The following VPS13B variants were observed in gnomAD, a reference collection of about 807,000 sequenced individuals.
The protein encoded by VPS13B is vacuolar protein sorting 13 homolog B.
VPS13B carries 285 observed loss-of-function variants against 426.4 expected under a neutral mutation model. That is an observed-to-expected ratio of 0.67 (90% CI 0.61 to 0.74). The LOEUF is 0.74. Ranked by LOEUF, VPS13B falls within the 30% of genes least tolerant of loss-of-function variation. The probability of loss-of-function intolerance (pLI) is 0.00; values close to 1 mark genes in which losing one functional copy is unlikely to be tolerated. For synonymous variants in VPS13B, 1,676 were observed against 1,676.4 expected (o/e 1.00, Z 0.01); for missense variants, 4,537 against 4,782.6 (o/e 0.95, Z 1.51).
At chr8:99,738,759 A>C (rs1278433005) in intron 39 of VPS13B, among the ~76,000 whole-genome samples, 1 of 152,238 alleles carries the variant, frequency 6.6e-6, no homozygotes, top group African/African-American at 2.4e-5. Context: ...TAATACAATC[A>C]ACATAGACCA....
At chr8:99,458,066 C>A (rs1287689599) in intron 23 of VPS13B, among the ~76,000 whole-genome samples, 1 of 148,662 alleles carries the variant, frequency 6.7e-6, no homozygotes, top group Middle Eastern at 3.4e-3. Context: ...TCCCCCCCCC[C>A]TCCCCCCAAC....
At chr8:99,553,545 T>C (rs1191153121) in intron 30 of VPS13B, among the ~76,000 whole-genome samples, 1 of 152,116 alleles carries the variant, frequency 6.6e-6, no homozygotes, top group Non-Finnish European at 1.5e-5. Context: ...CAAGGTACTT[T>C]ATGAATAGTT....
intron 25 of VPS13B, among the ~76,000 whole-genome samples, chr8:99,484,071 A>C (rs1820179128): frequency 6.6e-6 from 1 of 152,180 alleles, no homozygotes; most frequent in Non-Finnish European, 1.5e-5. Flanking sequence ...ATGGATATTT[A>C]AAAATGAGTA....
At chr8:99,115,920 C>A (rs1320764043) in intron 7 of VPS13B, 46 bp downstream of exon 7, 2 of 1,587,248 alleles carry the variant, frequency 1.3e-6, no homozygotes, top group Non-Finnish European at 1.7e-6. Context: ...TAAGACTATT[C>A]TTACGTTTTA....
At chr8:99,271,410 C>T (rs1219192157) in intron 17 of VPS13B, among the ~76,000 whole-genome samples, 1 of 152,118 alleles carries the variant, frequency 6.6e-6, no homozygotes, top group Non-Finnish European at 1.5e-5. Flanking sequence ...TTAAAGTGTG[C>T]TCTAGACCAT....
At chr8:99,286,974 A>G (rs138438316) in intron 19 of VPS13B, among the ~76,000 whole-genome samples, 2 of 152,218 alleles carry the variant, frequency 1.3e-5, no homozygotes, top group African/African-American at 4.8e-5. Flanking sequence ...CTTTTCAAAT[A>G]TTGCCGTACT....
intron 3 of VPS13B, among the ~76,000 whole-genome samples, chr8:99,044,110 A>T (rs1268535220): frequency 2.2e-5 from 2 of 92,820 alleles, no homozygotes; most frequent in South Asian, 4.0e-4. Flanking sequence ...TTTGAGACGG[A>T]GTCTGCTCTG....
chr8:99,662,929 G>C (rs893179542), intron 35 of VPS13B, among the ~76,000 whole-genome samples: 1 of 152,072 alleles, frequency 6.6e-6, no homozygotes, highest in African/African-American at 2.4e-5. Flanking sequence ...ATGGTGGCAC[G>C]TACCTGTAGT....
intron 19 of VPS13B, among the ~76,000 whole-genome samples, chr8:99,324,786 A>G (rs938798482): frequency 2.0e-5 from 3 of 152,152 alleles, no homozygotes; most frequent in Non-Finnish European, 4.4e-5. Context: ...CCAATTATTT[A>G]TATATTGAGG....
In VPS13B at chr8:99,836,618, G is replaced by C. The variant is rs563096437; in HGVS notation, c.9942+880G>C. Among the ~76,000 whole-genome samples, 179 of 152,272 alleles carry C rather than the reference G, an allele frequency of 1.2e-3. 1 individual carries two copies. Among genetic ancestry groups the C allele is most frequent in the Non-Finnish European group, 1.7e-3 (119 of 68,016 alleles). On this transcript the variant is annotated intron_variant, in intron 54 of 61. Transcript: ENST00000357162. ...CAGAACTTCATTTGTTTTTATGAGT[G>C]AATAATATTGTGCCATACTTTTTTA...
intron 7 of VPS13B, among the ~76,000 whole-genome samples, chr8:99,118,401 A>G (rs1847776851): frequency 6.6e-6 from 1 of 151,708 alleles, no homozygotes; most frequent in African/African-American, 2.4e-5. Context: ...GGGTCTTTTT[A>G]TTTTTTTTGG....
chr8:99,843,358 G>GA (rs993522945), intron 54 of VPS13B, among the ~76,000 whole-genome samples: 19 of 150,806 alleles, frequency 1.3e-4, no homozygotes, highest in South Asian at 2.1e-4. Context: ...ACAAACAGCT[G>GA]AAAAAAAAAT....
At chr8:99,273,990 A>G (rs1818754051) in intron 17 of VPS13B, among the ~76,000 whole-genome samples, 3 of 152,172 alleles carry the variant, frequency 2.0e-5, no homozygotes, top group Admixed American at 2.0e-4. Context: ...AATTGAATGC[A>G]TAAGTATAGT....
At chr8:99,496,987 G>C (rs1477322143) in intron 25 of VPS13B, among the ~76,000 whole-genome samples, 19 of 149,590 alleles carry the variant, frequency 1.3e-4, no homozygotes, top group Admixed American at 1.3e-3. Context: ...CTTAATCACA[G>C]CAGTAGTATA....
At chr8:99,348,685 T>C (rs1247500852) in intron 19 of VPS13B, among the ~76,000 whole-genome samples, 1 of 152,196 alleles carries the variant, frequency 6.6e-6, no homozygotes, top group African/African-American at 2.4e-5. Flanking sequence ...CTTCATGGAA[T>C]AATAAAGTAC....
intron 39 of VPS13B, among the ~76,000 whole-genome samples, chr8:99,726,760 T>A (rs1401128784): frequency 6.6e-6 from 1 of 152,226 alleles, no homozygotes; most frequent in African/African-American, 2.4e-5. Flanking sequence ...TTCACCATGT[T>A]GGCCAGGCTG....
chr8:99,710,755 G>T (rs1313644471), intron 36 of VPS13B, among the ~76,000 whole-genome samples: 1 of 151,302 alleles, frequency 6.6e-6, no homozygotes, highest in African/African-American at 2.4e-5. Context: ...ACTTTGGGAG[G>T]CCAAGGTGGG....
At chr8:99,109,794 T>C (rs1442868593) in intron 5 of VPS13B, among the ~76,000 whole-genome samples, 1 of 152,160 alleles carries the variant, frequency 6.6e-6, no homozygotes, top group Non-Finnish European at 1.5e-5. Flanking sequence ...AGACAGACTA[T>C]TACCACTGTG....
At chr8:99,417,014 ACTGCAGAGCC>A (rs1816057935) in intron 21 of VPS13B, among the ~76,000 whole-genome samples, 1 of 152,196 alleles carries the variant, frequency 6.6e-6, no homozygotes, top group Non-Finnish European at 1.5e-5. Flanking sequence ...TTAAGCCCTT[ACTGCAGAGCC>A]CTAGTATGTG....
Sources: gnomAD v4.1 joint callset for allele counts (sites outside exome capture counted in the v4.1 genomes callset) on GRCh38, gnomAD v4.1.1 for gene constraint, MANE v1.5 for transcripts, NCBI Gene and HGNC (gene_info 2026-07-23, HGNC 2026-07-21) for gene names.